STMND1: variants seen among roughly 807,000 people sequenced by gnomAD.
STMND1 encodes stathmin domain containing 1.
STMND1 carries 17 observed loss-of-function variants against 23.0 expected under a neutral mutation model. That is an observed-to-expected ratio of 0.74 (90% CI 0.51 to 1.11). STMND1 has a LOEUF of 1.11. STMND1 is among the 50% of genes least tolerant of loss of function. The pLI, the probability that STMND1 is intolerant of heterozygous loss-of-function variation, is 0.00. For missense variants in STMND1, 305 were observed against 329.1 expected (o/e 0.93, Z 0.57); for synonymous variants, 114 against 119.9 (o/e 0.95, Z 0.32).
At chr6:17,115,475 G>A (rs976407690) in intron 2 of STMND1, among the ~76,000 whole-genome samples, 3 of 150,812 alleles carry the variant, frequency 2.0e-5, no homozygotes, top group South Asian at 2.1e-4. Context: ...AAACTCCCAC[G>A]ATGATAACAT....
intron 2 of STMND1, among the ~76,000 whole-genome samples, chr6:17,118,355 G>A (rs2113485485): frequency 6.6e-6 from 1 of 151,986 alleles, no homozygotes; most frequent in East Asian, 1.9e-4. Flanking sequence ...TATTAACAAT[G>A]GTAATCTCTG....
At chr6:17,103,436 G>A (rs1760969642) in intron 1 of STMND1, among the ~76,000 whole-genome samples, 1 of 152,132 alleles carries the variant, frequency 6.6e-6, no homozygotes, top group East Asian at 1.9e-4. Flanking sequence ...CCAGAATCTA[G>A]TGAAGGCTGA....
chr6:17,129,112 T>C lies in STMND1; in HGVS notation c.412T>C (p.Leu138=). 6.5e-7 allele frequency: 1 copy of C among 1,535,302 alleles called. No homozygotes were observed. The highest frequency in any genetic ancestry group is 8.7e-7 in the Non-Finnish European group (1 of 1,146,588). The part of the protein sequence containing the change: ...FRNGESYDVT[L]TTTEKPLRKP... ...CATGTAAAAAGATGTTTTATTCCAGTTGACTACGACTGAGAAGCCATTGAG... is the reference window on the plus strand; with the variant it reads ...CATGTAAAAAGATGTTTTATTCCAGCTGACTACGACTGAGAAGCCATTGAG... The change falls in exon 4 of 5, where the codon TTG becomes CTG. Residue 138 remains leucine, a splice_region_variant and synonymous_variant. Transcript: ENST00000536551.
At chr6:17,110,213 A>C (rs953305007) in intron 1 of STMND1, among the ~76,000 whole-genome samples, 2 of 152,166 alleles carry the variant, frequency 1.3e-5, no homozygotes, top group Non-Finnish European at 2.9e-5. Context: ...ACAGTACAGC[A>C]AGGCTTTGCT....
In STMND1 at chr6:17,102,265, G is replaced by A. The variant is rs781030961; in HGVS notation, c.8G>A (p.Cys3Tyr). 10 of 1,535,938 alleles carry A rather than the reference G, an allele frequency of 6.5e-6. No homozygotes were observed. The highest frequency in any genetic ancestry group is 7.0e-6 in the Non-Finnish European group (8 of 1,146,804). MG[C>Y]GPSQPAEDRR... ...GGAGCGCGCGCGCGCAGCATGGGCT[G>A]TGGACCTTCCCAACCTGCTGAAGAC... Residue 3 changes from cysteine (C) to tyrosine (Y), a missense_variant, in exon 1 of 5, where the codon TGT becomes TAT. Cys to Tyr is a radical substitution (Grantham distance 194). Coordinates refer to ENST00000536551, the MANE Select transcript of STMND1 (RefSeq NM_001190766.2).
chr6:17,129,077 A>T (rs1761348617), intron 3 of STMND1, 35 bp from the exon 4 acceptor site: 5 of 1,530,208 alleles, frequency 3.3e-6, no homozygotes, highest in Non-Finnish European at 4.4e-6. Flanking sequence ...AGTGAATATG[A>T]TTGTTTCTTC....
chr6:17,106,999 C>A (rs531789902), intron 1 of STMND1, among the ~76,000 whole-genome samples: 6 of 152,284 alleles, frequency 3.9e-5, no homozygotes, highest in Non-Finnish European at 7.4e-5. Context: ...AATAGATGGT[C>A]TCCAAGGACC....
Position 17,102,203 on chromosome 6 carries a change from G to T in STMND1, c.-55G>T. The T allele has an allele frequency of 2.7e-6, 4 of 1,477,192 alleles. No individual in the cohort carries two copies. Among genetic ancestry groups the T allele is most frequent in the Non-Finnish European group, 1.8e-6 (2 of 1,120,736 alleles). 91.5% of individuals were successfully genotyped at this position (1,477,192 alleles called of 1,614,324 possible). ...CCGGCGCCGGAGCGCGGCAGGGAGC[G>T]CTCGCGGGGGCGCACAGCAGCCAAG... is the stretch of plus-strand genomic sequence containing the variant. On this transcript the variant is annotated 5_prime_UTR_variant, in exon 1 of 5. Transcript: ENST00000536551.
At position 17,130,770 on chromosome 6, in the gene STMND1, G is replaced by A. The variant is rs1255362370; in HGVS notation, c.720G>A (p.Arg240=). 2.6e-6 allele frequency: 4 copies of A among 1,535,964 alleles called. No homozygotes were observed. The African/African-American group carries it at 4.1e-5, about 16-fold the overall frequency. ...TGCAGGGAGGAAAACCATTGAAGAGGAAGAAGAGTAAATGTGATGCAACCT... is the reference window on the plus strand; with the variant it reads ...TGCAGGGAGGAAAACCATTGAAGAGAAAGAAGAGTAAATGTGATGCAACCT... ...SDLQGGKPLK[R]KKSKCDATLI... is the part of the protein sequence containing the mutation. Residue 240 remains arginine (R), a synonymous_variant, in exon 5 of 5, where the codon AGG becomes AGA. Coordinates refer to ENST00000536551, the MANE Select transcript of STMND1 (RefSeq NM_001190766.2).
chr6:17,130,323 G>T (rs945865738), intron 4 of STMND1, among the ~76,000 whole-genome samples: 7 of 152,082 alleles, frequency 4.6e-5, no homozygotes, highest in Non-Finnish European at 1.0e-4. Flanking sequence ...CCCTCCACGC[G>T]CCCTTGGCCA....
intron 3 of STMND1, chr6:17,128,419 G>A (rs1357988551): frequency 6.6e-6 from 1 of 152,178 alleles, no homozygotes; most frequent in African/African-American, 2.4e-5. Flanking sequence ...GTAACTTGTA[G>A]CTTGTGGAAT....
At chr6:17,121,189 T>C (rs1410412399) in intron 3 of STMND1, among the ~76,000 whole-genome samples, 1 of 152,240 alleles carries the variant, frequency 6.6e-6, no homozygotes, top group African/African-American at 2.4e-5. Flanking sequence ...TTCCCAGCCA[T>C]GTAGAACTCT....
At chr6:17,107,719 G>A (rs765079247) in intron 1 of STMND1, among the ~76,000 whole-genome samples, 1 of 152,150 alleles carries the variant, frequency 6.6e-6, no homozygotes, top group African/African-American at 2.4e-5. Context: ...ACCTCAGCCT[G>A]CTGAGTAGCT....
At chr6:17,105,848 C>G (rs957565086) in intron 1 of STMND1, among the ~76,000 whole-genome samples, 1 of 151,650 alleles carries the variant, frequency 6.6e-6, no homozygotes, top group African/African-American at 2.4e-5. Context: ...TGGCATGAAC[C>G]TGGGAGGCGG....
intron 1 of STMND1, among the ~76,000 whole-genome samples, chr6:17,105,881 C>T (rs1386866832): frequency 1.3e-5 from 2 of 148,436 alleles, no homozygotes; most frequent in Non-Finnish European, 3.0e-5. Context: ...GCCAAGATGG[C>T]GCCACTGCAC....
intron 1 of STMND1, among the ~76,000 whole-genome samples, chr6:17,113,603 T>C (rs1761121598): frequency 6.6e-6 from 1 of 152,050 alleles, no homozygotes; most frequent in African/African-American, 2.4e-5. Flanking sequence ...TTTTATATTA[T>C]GTAATTATTT....
intron 1 of STMND1, chr6:17,110,786 C>T (rs959301514): frequency 8.8e-6 from 4 of 455,618 alleles, no homozygotes; most frequent in Non-Finnish European, 1.8e-5. Flanking sequence ...AAAAAATAGA[C>T]ATTAAAAGAA....
intron 2 of STMND1, among the ~76,000 whole-genome samples, chr6:17,115,372 T>TTA (rs367732673): frequency 8.6e-6 from 1 of 116,102 alleles, no homozygotes; most frequent in Non-Finnish European, 1.8e-5. Context: ...GGACCATCTT[T>TTA]AAAAAAAAAA....
intron 1 of STMND1, among the ~76,000 whole-genome samples, chr6:17,110,303 G>A (rs1046102586): frequency 6.6e-6 from 1 of 152,136 alleles, no homozygotes; most frequent in African/African-American, 2.4e-5. Context: ...AGGATTGCTT[G>A]AATCCATGCA....
Sources: gnomAD v4.1 joint callset for allele counts (sites outside exome capture counted in the v4.1 genomes callset) on GRCh38, gnomAD v4.1.1 for gene constraint, MANE v1.5 for transcripts, NCBI Gene and HGNC (gene_info 2026-07-23, HGNC 2026-07-21) for gene names.